NCAPH: variants seen among roughly 807,000 people sequenced by gnomAD.
NCAPH encodes condensin complex subunit 2.
In NCAPH, 38 loss-of-function variants were observed where a neutral mutation model predicts 85.5. That is an observed-to-expected ratio of 0.44 (90% confidence interval 0.34 to 0.58). NCAPH has a LOEUF of 0.58. Among genes scored for constraint, NCAPH ranks in the 20% least tolerant of loss-of-function variants. The pLI is 0.01. For synonymous variants in NCAPH, 301 were observed against 335.1 expected (o/e 0.90, Z 1.11); for missense variants, 789 against 916.6 (o/e 0.86, Z 1.80).
chr2:96,375,950 G>C lies in NCAPH; in HGVS notation c.*2599G>C, dbSNP rs1307906863. 1.3e-5 allele frequency among the ~76,000 whole-genome samples: 2 copies of C among 152,048 alleles called. No homozygotes were observed. The highest frequency in any genetic ancestry group is 4.2e-4 in the South Asian group (2 of 4,804). ...CACAAAGGTCCCCACCAGCAAGAAG[G>C]CTCCCACCAGATATGGACTCAACCT... On this transcript the variant is annotated 3_prime_UTR_variant, in exon 18 of 18. Transcript: ENST00000240423.
intron 17 of NCAPH, among the ~76,000 whole-genome samples, chr2:96,373,049 TG>T (rs1170213489): frequency 6.6e-6 from 1 of 151,884 alleles, no homozygotes; most frequent in East Asian, 1.9e-4. Flanking sequence ...TTATAGGGGG[TG>T]GGTTGCAGGA....
In NCAPH at chr2:96,344,170, A is replaced by G. The variant is rs117616494; in HGVS notation, c.661A>G (p.Arg221Gly). The G allele has an allele frequency of 9.2e-4, 1,492 of 1,613,726 alleles. 33 individuals carry two copies. In the East Asian group the frequency reaches 0.027, roughly 30 times the overall value. ...AAAGCCAAAGAAGAAGCACTTACACAGAACTATTGAGCAGAACATAAACAA... is the reference window on the plus strand; with the variant it reads ...AAAGCCAAAGAAGAAGCACTTACACGGAACTATTGAGCAGAACATAAACAA... ...AVKPKKKHLH[R>G]TIEQNINNLN... Residue 221 changes from arginine (R) to glycine (G), a missense_variant, in exon 6 of 18, where the codon AGA (arginine) becomes GGA (glycine). Physicochemically the swap from Arg to Gly is moderately radical, Grantham distance 125. Coordinates refer to ENST00000240423, the MANE Select transcript of NCAPH (RefSeq NM_015341.5).
chr2:96,371,898 AAC>A (rs1386592663), intron 17 of NCAPH, among the ~76,000 whole-genome samples: 1 of 152,140 alleles, frequency 6.6e-6, no homozygotes, highest in Non-Finnish European at 1.5e-5. Context: ...CCACTGTGAT[AAC>A]AGTCTCCCCT....
intron 6 of NCAPH, among the ~76,000 whole-genome samples, chr2:96,347,101 C>CA (rs1438268898): frequency 2.0e-5 from 3 of 152,076 alleles, no homozygotes; most frequent in Non-Finnish European, 2.9e-5. Flanking sequence ...ATGTTGTACT[C>CA]AGAGCTGGGG....
In NCAPH at chr2:96,341,911, C is replaced by T; in HGVS notation, c.272+17C>T. 6.2e-7 allele frequency: 1 copy of T among 1,606,032 alleles called. No individual in the cohort carries two copies. Among genetic ancestry groups the T allele is most frequent in the Non-Finnish European group, 8.5e-7 (1 of 1,177,172 alleles). The stretch of plus-strand genomic sequence containing the variant: ...CTCCAGCAGGTGAGGTGCTCCTGGG[C>T]TGTTTCTCCTTGAGGCAGCCGCCTT... On this transcript the variant is annotated intron_variant, in intron 2 of 17. Transcript: ENST00000240423.
chr2:96,339,101 G>A (rs2064256003), intron 1 of NCAPH, among the ~76,000 whole-genome samples: 2 of 152,144 alleles, frequency 1.3e-5, no homozygotes, highest in African/African-American at 4.8e-5. Flanking sequence ...GTGAACCACC[G>A]CGCCCAGCCA....
chr2:96,376,738 G>A lies in NCAPH; in HGVS notation c.*3387G>A, dbSNP rs952968138. Among the ~76,000 whole-genome samples the A allele has an allele frequency of 6.6e-6, 1 of 152,192 alleles. No homozygotes were observed. Among genetic ancestry groups the A allele is most frequent in the African/African-American group, 2.4e-5 (1 of 41,442 alleles). On this transcript the variant is annotated 3_prime_UTR_variant, in exon 18 of 18. Transcript: ENST00000240423. ...TGAAGCCAAGCTGCTCAGCACTGAG[G>A]CAGCAAGCCATGATCTAGGTCTTCG...
intron 12 of NCAPH, 119 bp downstream of exon 12, chr2:96,360,829 G>A: frequency 7.6e-7 from 1 of 1,309,210 alleles, no homozygotes; most frequent in Non-Finnish European, 1.0e-6. Context: ...GTTAGCCAAA[G>A]CGTGTTGCCA....
chr2:96,373,604 G>T lies in NCAPH; in HGVS notation c.*253G>T. 2.5e-6 allele frequency: 1 copy of T among 393,828 alleles called. No individual in the cohort carries two copies. The highest frequency in any genetic ancestry group is 4.6e-6 in the Non-Finnish European group (1 of 218,376). The allele number at this position is 393,828 out of a possible 1,614,324, so 24.4% of individuals were successfully genotyped here. On this transcript the variant is annotated 3_prime_UTR_variant, in exon 18 of 18. Coordinates refer to ENST00000240423, the MANE Select transcript of NCAPH (RefSeq NM_015341.5). ...TAGGAGAGGGGAGGGCAGAGGGGGT[G>T]AGGGTACTATTCTGGATTGAGAAAA... is the stretch of plus-strand genomic sequence containing the variant.
chr2:96,354,114 T>C, intron 8 of NCAPH, 69 bp from the exon 9 acceptor site: 1 of 1,458,916 alleles, frequency 6.9e-7, no homozygotes, highest in Admixed American at 1.8e-5. Flanking sequence ...GTGAGAAGGC[T>C]GTCCCTCCAG....
intron 9 of NCAPH, among the ~76,000 whole-genome samples, chr2:96,357,908 A>G (rs1268692330): frequency 6.6e-6 from 1 of 152,210 alleles, no homozygotes; most frequent in East Asian, 1.9e-4. Context: ...TTCAGAGGGC[A>G]GTACAGCAGC....
intron 17 of NCAPH, among the ~76,000 whole-genome samples, chr2:96,372,981 G>T (rs1336669331): frequency 6.6e-6 from 1 of 152,088 alleles, no homozygotes; most frequent in Non-Finnish European, 1.5e-5. Flanking sequence ...GGCTCCTCAT[G>T]ACCTCCCATC....
In NCAPH at chr2:96,373,761, G is replaced by A. The variant is rs1160324932; in HGVS notation, c.*410G>A. ...GCCCTTGAAGAACTTCCTAATCCAT[G>A]TACATAAAATACATCATATGTACAC... On this transcript the variant is annotated 3_prime_UTR_variant, in exon 18 of 18. Coordinates refer to ENST00000240423, the MANE Select transcript of NCAPH (RefSeq NM_015341.5). 1 of 158,112 alleles carries A rather than the reference G, an allele frequency of 6.3e-6. No individual in the cohort carries two copies. The highest frequency in any genetic ancestry group is 1.8e-4 in the East Asian group (1 of 5,504). 9.8% of individuals were successfully genotyped at this position (158,112 alleles called of 1,614,324 possible).
chr2:96,375,657 C>T lies in NCAPH; in HGVS notation c.*2306C>T, dbSNP rs1408594388. Among the ~76,000 whole-genome samples, 1 of 152,146 alleles carries T rather than the reference C, an allele frequency of 6.6e-6. No individual in the cohort carries two copies. Among genetic ancestry groups the T allele is most frequent in the Non-Finnish European group, 1.5e-5 (1 of 68,024 alleles). On this transcript the variant is annotated 3_prime_UTR_variant, in exon 18 of 18. Coordinates refer to ENST00000240423, the MANE Select transcript of NCAPH (RefSeq NM_015341.5). ...CATTTTGTTATAGCAGACAAATTGA[C>T]TAAGACAGTGGGTATGCAAGATAAG...
intron 1 of NCAPH, 122 bp downstream of exon 1, chr2:96,335,970 C>G: frequency 8.8e-7 from 1 of 1,130,886 alleles, no homozygotes; most frequent in Non-Finnish European, 1.2e-6. Context: ...GGGTCTTGGC[C>G]CTGCGGCTGA....
Position 96,343,160 on chromosome 2 carries a change from G to C in NCAPH, c.457-6G>C. 1 of 1,613,890 alleles carries C rather than the reference G, an allele frequency of 6.2e-7. No individual in the cohort carries two copies. Among genetic ancestry groups the C allele is most frequent in the East Asian group, 2.2e-5 (1 of 44,884 alleles). On this transcript the variant is annotated splice_region_variant and splice_polypyrimidine_tract_variant and intron_variant, in intron 4 of 17. Transcript: ENST00000240423. ...TTTGTGAGTGCAGCTCTGATTGTTT[G>C]ACTAGGTGGCTGCGGGTACTCTGGA...
chr2:96,343,113 C>A, intron 4 of NCAPH, 53 bp from the exon 5 acceptor site: 1 of 1,601,668 alleles, frequency 6.2e-7, no homozygotes, highest in South Asian at 1.1e-5. Flanking sequence ...TTTACCTGTT[C>A]AGAAGTTGTT....
intron 6 of NCAPH, among the ~76,000 whole-genome samples, chr2:96,345,373 G>C (rs994334079): frequency 6.6e-6 from 1 of 152,178 alleles, no homozygotes; most frequent in Non-Finnish European, 1.5e-5. Context: ...TGGAACGGGG[G>C]CATGCTGGCT....
chr2:96,363,828 C>A (rs994462517), intron 12 of NCAPH, among the ~76,000 whole-genome samples: 10 of 151,678 alleles, frequency 6.6e-5, no homozygotes, highest in African/African-American at 2.2e-4. Context: ...AATGGGTTTT[C>A]CTTTTTTTTT....
Sources: gnomAD v4.1 joint callset for allele counts (sites outside exome capture counted in the v4.1 genomes callset) on GRCh38, gnomAD v4.1.1 for gene constraint, MANE v1.5 for transcripts, NCBI Gene and HGNC (gene_info 2026-07-23, HGNC 2026-07-21) for gene names.